Variants in ZC3H12B observed in about 807,000 individuals in gnomAD.
The protein encoded by ZC3H12B is probable ribonuclease ZC3H12B.
In ZC3H12B, 7 loss-of-function variants were observed where a neutral mutation model predicts 43.9. The observed-to-expected ratio is 0.16, with a 90% CI of 0.09 to 0.30. The LOEUF (loss-of-function observed/expected upper bound fraction) is 0.30. ZC3H12B is among the 10% of genes least tolerant of loss of function. The pLI is 1.00. For synonymous variants in ZC3H12B, 222 were observed against 241.7 expected (o/e 0.92, Z 0.76); for missense variants, 475 against 670.2 (o/e 0.71, Z 3.22).
chrX:65,380,812 T>C (rs759951375), intron 2 of ZC3H12B, among the ~76,000 whole-genome samples: 2 of 111,405 alleles, frequency 1.8e-5, no homozygotes, highest in Non-Finnish European at 3.8e-5. Context: ...TCCTAGTCTC[T>C]GATAAAACAG....
the ZC3H12B span, among the ~76,000 whole-genome samples, chrX:65,285,746 A>G: frequency 1.8e-5 from 2 of 111,933 alleles, no homozygotes; most frequent in African/African-American, 6.5e-5. Flanking sequence ...ATTCACCATT[A>G]TGTAATCACA....
At chrX:65,381,058 A>T (rs1044868274) in intron 2 of ZC3H12B, among the ~76,000 whole-genome samples, 2 of 111,391 alleles carry the variant, frequency 1.8e-5, no homozygotes, top group African/African-American at 6.5e-5. Context: ...ACAGAAAGTC[A>T]ACAAAGATAC....
the ZC3H12B span, among the ~76,000 whole-genome samples, chrX:65,300,214 G>A: frequency 8.9e-6 from 1 of 112,316 alleles, no homozygotes; most frequent in Admixed American, 9.4e-5. Flanking sequence ...ACAGCAGGAG[G>A]GCAGTCAAGA....
chrX:65,469,385 C>A (rs914822810), intron 3 of ZC3H12B: 5 of 447,114 alleles, frequency 1.1e-5, no homozygotes, highest in African/African-American at 4.8e-5. Context: ...TGAGTGAGAT[C>A]TTTGGCACCA....
the ZC3H12B span, among the ~76,000 whole-genome samples, chrX:65,160,301 CT>C: frequency 2.7e-5 from 3 of 111,133 alleles, no homozygotes; most frequent in Non-Finnish European, 5.7e-5. Context: ...AGGATTCCTT[CT>C]TTTGTATTGA....
chrX:65,300,559 G>T, the ZC3H12B span, among the ~76,000 whole-genome samples: 1 of 111,378 alleles, frequency 9.0e-6, no homozygotes, highest in Non-Finnish European at 1.9e-5. Context: ...CCCCCACCTG[G>T]TGGTCTTTCT....
chrX:65,480,590 T>C (rs1374506211), intron 3 of ZC3H12B, among the ~76,000 whole-genome samples: 3 of 112,090 alleles, frequency 2.7e-5, no homozygotes, highest in Admixed American at 9.5e-5. Flanking sequence ...CTCACGCCAG[T>C]AATCCCAGCA....
intron 1 of ZC3H12B, among the ~76,000 whole-genome samples, chrX:65,496,722 G>A (rs907178333): frequency 8.1e-5 from 9 of 111,329 alleles, no homozygotes; most frequent in Non-Finnish European, 1.1e-4. Context: ...TTGGGAGGCC[G>A]AGGCAGGCAG....
At chrX:65,172,269 T>A in the ZC3H12B span, among the ~76,000 whole-genome samples, 1 of 112,642 alleles carries the variant, frequency 8.9e-6, no homozygotes, top group Admixed American at 9.4e-5. Context: ...CTTTGCCTAC[T>A]TTTTGATGGA....
the ZC3H12B span, among the ~76,000 whole-genome samples, chrX:65,052,747 T>C: frequency 8.9e-6 from 1 of 111,857 alleles, no homozygotes; most frequent in Non-Finnish European, 1.9e-5. Context: ...ACCATAGATG[T>C]TCAGATATCT....
chrX:65,442,258 C>T (rs182969447), intron 3 of ZC3H12B, among the ~76,000 whole-genome samples: 1 of 109,726 alleles, frequency 9.1e-6, no homozygotes, highest in African/African-American at 3.3e-5. Context: ...GCCTGGCAAT[C>T]GGGATTAGCA....
chrX:65,092,270 C>A, the ZC3H12B span, among the ~76,000 whole-genome samples: 123 of 111,701 alleles, frequency 1.1e-3, no homozygotes, highest in African/African-American at 3.8e-3. Context: ...TCAGGCATTT[C>A]TTTATATGAA....
chrX:65,093,327 TAC>T, the ZC3H12B span, among the ~76,000 whole-genome samples: 1 of 112,039 alleles, frequency 8.9e-6, no homozygotes, highest in South Asian at 3.8e-4. Flanking sequence ...GGAGCACCTA[TAC>T]AGAGTTCCCA....
chrX:65,382,803 C>G (rs1456987213), intron 2 of ZC3H12B, among the ~76,000 whole-genome samples: 2 of 111,329 alleles, frequency 1.8e-5, no homozygotes, highest in Admixed American at 9.6e-5. Context: ...TTCTTGTACA[C>G]CAACAACAGA....
the ZC3H12B span, among the ~76,000 whole-genome samples, chrX:65,202,133 A>T: frequency 2.9e-5 from 2 of 68,580 alleles, no homozygotes; most frequent in East Asian, 3.0e-4. Flanking sequence ...TAATATATAT[A>T]TTTTATATAA....
chrX:65,312,666 C>G, the ZC3H12B span, among the ~76,000 whole-genome samples: 1 of 111,254 alleles, frequency 9.0e-6, no homozygotes, highest in Non-Finnish European at 1.9e-5. Flanking sequence ...AATGGGATGT[C>G]CAAGGTTAAG....
At chrX:65,357,193 A>G in the ZC3H12B span, 1 of 408,044 alleles carries the variant, frequency 2.5e-6, no homozygotes, top group Non-Finnish European at 4.6e-6. Flanking sequence ...TCTTTTATAA[A>G]TTTCCCTCTC....
intron 3 of ZC3H12B, among the ~76,000 whole-genome samples, chrX:65,410,289 G>A (rs754925002): frequency 2.0e-4 from 22 of 111,205 alleles, no homozygotes; most frequent in South Asian, 1.1e-3. Context: ...AGACCCCTGC[G>A]TCTCACCATG....
chrX:65,301,226 A>G, the ZC3H12B span, among the ~76,000 whole-genome samples: 1 of 111,769 alleles, frequency 8.9e-6, no homozygotes, highest in Admixed American at 9.5e-5. Flanking sequence ...ACACTTTTAC[A>G]CTGCTGGTGG....
Sources: allele counts gnomAD v4.1 joint callset (sites outside exome capture counted in the v4.1 genomes callset), GRCh38; gene constraint gnomAD v4.1.1; transcripts MANE v1.5; gene names NCBI Gene and HGNC (gene_info 2026-07-23, HGNC 2026-07-21).